GC: variants seen among roughly 807,000 people sequenced by gnomAD.
The protein encoded by GC is vitamin D-binding protein.
A neutral mutation model predicts 56.7 loss-of-function variants in GC; 43 were observed. That is an observed-to-expected ratio of 0.76 (90% CI 0.59 to 0.98). The LOEUF (loss-of-function observed/expected upper bound fraction) is 0.98, where lower values mean the gene tolerates loss of function less well. GC is among the 50% of genes least tolerant of loss of function. The pLI is 0.00. For missense variants in GC, 529 were observed against 545.9 expected (o/e 0.97, Z 0.31); for synonymous variants, 216 against 202.7 (o/e 1.07, Z -0.56).
intron 1 of GC, among the ~76,000 whole-genome samples, chr4:71,795,866 T>G (rs1743088788): frequency 6.6e-6 from 1 of 152,202 alleles, no homozygotes; most frequent in African/African-American, 2.4e-5. Context: ...TAACAAAATC[T>G]GTCAGCATTT....
intron 1 of GC, among the ~76,000 whole-genome samples, chr4:71,797,887 A>G (rs890237739): frequency 1.3e-5 from 2 of 152,200 alleles, no homozygotes; most frequent in African/African-American, 2.4e-5. Context: ...TAAAAATCAA[A>G]TTTATGTAAT....
chr4:71,753,070 T>C (rs1348052211), intron 10 of GC, among the ~76,000 whole-genome samples: 1 of 152,176 alleles, frequency 6.6e-6, no homozygotes, highest in Non-Finnish European at 1.5e-5. Context: ...ACCCTCAATT[T>C]ATCTACTTCT....
chr4:71,788,685 A>AAG (rs143777953), upstream of GC, among the ~76,000 whole-genome samples: 145,590 of 150,438 alleles, frequency 0.97, 70,613 homozygotes, highest in Non-Finnish European at 1. Flanking sequence ...AAAGAAAAGA[A>AAG]AGAGAAAAAA....
At position 71,752,596 on chromosome 4, in the gene GC, T is replaced by G. The variant is rs765261853; in HGVS notation, c.1317A>C (p.Ala439=). The part of the protein sequence containing the change: ...KLPDATPTEL[A]KLVNKHSDFA... ...AGTCTGAGTGCTTGTTAACCAGCTT[T>G]GCCAGTTCCGTGGGTGTGGCATCAG... The change falls in exon 11 of 13, where the codon GCA becomes GCC. Residue 439 remains alanine, a synonymous_variant. Transcript: ENST00000273951. The G allele has an allele frequency of 3.1e-6, 5 of 1,613,518 alleles. No individual in the cohort carries two copies. In the East Asian group the frequency reaches 1.1e-4, roughly 36 times the overall value.
At chr4:71,804,715 A>C (rs2365085), upstream of GC, among the ~76,000 whole-genome samples, 68 of 151,714 alleles carry the variant, frequency 4.5e-4, no homozygotes, top group African/African-American at 1.6e-3. Context: ...GTCGAAAGTA[A>C]TGGGTTCATA....
At chr4:71,772,664 G>C (rs1742376522) in intron 1 of GC, among the ~76,000 whole-genome samples, 3 of 152,170 alleles carry the variant, frequency 2.0e-5, no homozygotes, top group Admixed American at 6.5e-5. Context: ...AAACTAGATG[G>C]AATGAATAAG....
Position 71,746,772 on chromosome 4 carries a change from TAAAAAAAAAAAA to T in GC, c.1396-579_1396-568del, listed in dbSNP as rs34865299. On this transcript the variant is annotated intron_variant, in intron 11 of 12. Coordinates refer to ENST00000273951, the MANE Select transcript of GC (RefSeq NM_000583.4). ...CAAGGTCCAAAATACCTCTATTTTG[TAAAAAAAAAAAA>T]AAAAAAAAAAACTACTTTAATTTGG... Among the ~76,000 whole-genome samples the T allele has an allele frequency of 3.0e-5, 3 of 100,650 alleles. No homozygotes were observed. The East Asian group carries it at 9.9e-4, about 33-fold the overall frequency. 66.0% of individuals were successfully genotyped at this position (100,650 alleles called of 152,430 possible).
At chr4:71,786,166 G>A (rs954408177), upstream of GC, among the ~76,000 whole-genome samples, 8 of 151,732 alleles carry the variant, frequency 5.3e-5, no homozygotes, top group Non-Finnish European at 5.9e-5. Flanking sequence ...ATCTCTATAC[G>A]AGCTGCCAAA....
intron 1 of GC, among the ~76,000 whole-genome samples, chr4:71,777,191 A>G (rs1216195425): frequency 6.6e-6 from 1 of 151,806 alleles, no homozygotes; most frequent in Non-Finnish European, 1.5e-5. Context: ...ATGGAATATA[A>G]TTTTCTAATT....
chr4:71,784,317 A>C (rs1276766713), upstream of GC: 1 of 1,082,664 alleles, frequency 9.2e-7, no homozygotes, highest in Admixed American at 5.2e-5. Flanking sequence ...GCCAAGGTAT[A>C]TAGATTATTT....
At chr4:71,797,897 T>C (rs534751081) in intron 1 of GC, among the ~76,000 whole-genome samples, 1 of 152,366 alleles carries the variant, frequency 6.6e-6, no homozygotes, top group Admixed American at 6.5e-5. Context: ...ATTTATGTAA[T>C]GTCCAACCAT....
At chr4:71,803,996 G>A (rs1238259064) in exon 1 of GC, 2 of 1,155,448 alleles carry the variant, frequency 1.7e-6, no homozygotes, top group Admixed American at 2.0e-5. Context: ...AGAATAGGTA[G>A]ATATCATTCT....
intron 1 of GC, among the ~76,000 whole-genome samples, chr4:71,800,312 A>C (rs981734525): frequency 6.6e-6 from 1 of 151,918 alleles, no homozygotes; most frequent in Non-Finnish European, 1.5e-5. Flanking sequence ...GCTCCCACTT[A>C]TGAGTGAGAA....
In GC at chr4:71,752,545, G is replaced by A. The variant is rs775641857; in HGVS notation, c.1368C>T (p.Asn456=). ...SDFASNCCSI[N]SPPLYCDSEI... ...CTGAATCACAGTAAAGAGGAGGTGA[G>A]TTTATGGAACAGCAGTTGGAGGCAA... The change falls in exon 11 of 13, where the codon AAC becomes AAT. Residue 456 remains asparagine (N), a synonymous_variant. Coordinates refer to ENST00000273951, the MANE Select transcript of GC (RefSeq NM_000583.4). The A allele has an allele frequency of 5.0e-5, 80 of 1,613,370 alleles. 2 individuals are homozygous for A. In the South Asian group the frequency reaches 7.9e-4, roughly 16 times the overall value.
intron 2 of GC, among the ~76,000 whole-genome samples, chr4:71,769,001 C>T (rs552434614): frequency 6.6e-6 from 1 of 152,320 alleles, no homozygotes; most frequent in East Asian, 1.9e-4. Context: ...AATGTACTTG[C>T]TCTGTACCTC....
At chr4:71,746,517 G>A (rs73827383) in intron 11 of GC, among the ~76,000 whole-genome samples, 20,169 of 151,724 alleles carry the variant, frequency 0.13, 3,167 homozygotes, top group African/African-American at 0.36. Context: ...GAGTGCCAGG[G>A]AAGAATTCTC....
chr4:71,773,126 C>G (rs920377510), intron 1 of GC, among the ~76,000 whole-genome samples: 4 of 151,946 alleles, frequency 2.6e-5, no homozygotes, highest in Non-Finnish European at 4.4e-5. Context: ...TTCAAATGTA[C>G]CATTCGGTTA....
chr4:71,771,177 TG>T (rs1742328663), intron 1 of GC, among the ~76,000 whole-genome samples: 1 of 152,198 alleles, frequency 6.6e-6, no homozygotes, highest in Non-Finnish European at 1.5e-5. Flanking sequence ...GGTGATATGA[TG>T]GTAACTGCTG....
chr4:71,776,407 C>A (rs1157079874), intron 1 of GC, among the ~76,000 whole-genome samples: 1 of 151,272 alleles, frequency 6.6e-6, no homozygotes, highest in Non-Finnish European at 1.5e-5. Flanking sequence ...AAGCCAGGTA[C>A]AGAAAGAAAA....
Sources: gnomAD v4.1 joint callset for allele counts (sites outside exome capture counted in the v4.1 genomes callset) on GRCh38, gnomAD v4.1.1 for gene constraint, MANE v1.5 for transcripts, NCBI Gene and HGNC (gene_info 2026-07-23, HGNC 2026-07-21) for gene names.